CSMD1: variants seen among roughly 807,000 people sequenced by gnomAD.
CSMD1 encodes the protein CUB and Sushi multiple domains 1, also known as CUB and sushi domain-containing protein 1.
Under a neutral mutation model 417.5 loss-of-function variants are expected in CSMD1, and 213 were observed. The ratio of observed to expected loss-of-function variants is 0.51; its 90% CI spans 0.46 to 0.57. The LOEUF (loss-of-function observed/expected upper bound fraction) is 0.57. Ranked by LOEUF, CSMD1 falls within the 20% of genes least tolerant of loss-of-function variation. The pLI is 0.00. For synonymous variants in CSMD1, 2,862 were observed against 1,736.8 expected (o/e 1.65, Z -16.11); for missense variants, 6,923 against 4,529.7 (o/e 1.53, Z -15.17).
chr8:4,424,684 G>C (rs183325240), intron 2 of CSMD1, among the ~76,000 whole-genome samples: 15 of 152,086 alleles, frequency 9.9e-5, no homozygotes, highest in African/African-American at 3.4e-4. Context: ...AACGAAACAC[G>C]TAACTGCCAT....
intron 2 of CSMD1, among the ~76,000 whole-genome samples, chr8:4,505,634 T>C (rs1802483209): frequency 6.6e-6 from 1 of 152,158 alleles, no homozygotes; most frequent in Non-Finnish European, 1.5e-5. Flanking sequence ...CTTTCTAACA[T>C]GACCAAAACT....
intron 12 of CSMD1, among the ~76,000 whole-genome samples, chr8:3,436,684 T>C (rs1028307055): frequency 1.3e-5 from 2 of 152,198 alleles, no homozygotes; most frequent in Non-Finnish European, 2.9e-5. Flanking sequence ...TTGTTCTATA[T>C]ACGCGACACC....
intron 5 of CSMD1, among the ~76,000 whole-genome samples, chr8:3,915,952 G>A (rs540896370): frequency 1.3e-5 from 2 of 150,954 alleles, no homozygotes; most frequent in Admixed American, 1.3e-4. Context: ...CCAAACTTTA[G>A]GTAAACGGAC....
intron 3 of CSMD1, among the ~76,000 whole-genome samples, chr8:4,231,209 G>T (rs973280064): frequency 6.6e-6 from 1 of 152,118 alleles, no homozygotes; most frequent in Non-Finnish European, 1.5e-5. Context: ...CTAAATGAAA[G>T]GCATTGTCTT....
chr8:4,418,923 T>A (rs905060286), intron 3 of CSMD1, among the ~76,000 whole-genome samples: 1 of 152,252 alleles, frequency 6.6e-6, no homozygotes, highest in South Asian at 2.1e-4. Flanking sequence ...CACACGTAAC[T>A]TTAAGCAAAA....
chr8:4,881,605 A>C (rs1040351206), intron 1 of CSMD1, among the ~76,000 whole-genome samples: 1 of 150,682 alleles, frequency 6.6e-6, no homozygotes, highest in Admixed American at 6.6e-5. Context: ...CAATAAATTC[A>C]TGTTTAATTG....
At chr8:4,454,673 T>C (rs752337447) in intron 2 of CSMD1, among the ~76,000 whole-genome samples, 1 of 152,192 alleles carries the variant, frequency 6.6e-6, no homozygotes, top group Non-Finnish European at 1.5e-5. Flanking sequence ...CCTATTATCT[T>C]AGCATGTTCT....
intron 3 of CSMD1, among the ~76,000 whole-genome samples, chr8:4,318,364 T>C (rs908910600): frequency 6.6e-6 from 1 of 152,152 alleles, no homozygotes; most frequent in African/African-American, 2.4e-5. Flanking sequence ...TATGCACACA[T>C]GTGCACACTC....
intron 2 of CSMD1, among the ~76,000 whole-genome samples, chr8:4,502,899 A>G (rs1042634102): frequency 2.6e-5 from 4 of 152,032 alleles, no homozygotes; most frequent in East Asian, 1.9e-4. Flanking sequence ...AGATCAACCA[A>G]TTCCTTCTGG....
At chr8:2,951,500 GTTTCT>G (rs1802632318) in intron 65 of CSMD1, among the ~76,000 whole-genome samples, 1 of 152,126 alleles carries the variant, frequency 6.6e-6, no homozygotes, top group Non-Finnish European at 1.5e-5. Context: ...GTGCTTATGG[GTTTCT>G]TTTATTATTA....
intron 38 of CSMD1, among the ~76,000 whole-genome samples, chr8:3,158,444 G>A (rs1819671597): frequency 6.6e-6 from 1 of 152,054 alleles, no homozygotes; most frequent in Non-Finnish European, 1.5e-5. Context: ...TGACTACCAG[G>A]GTTCAGCAAA....
chr8:4,175,010 C>T (rs1164168958), intron 3 of CSMD1, among the ~76,000 whole-genome samples: 2 of 151,616 alleles, frequency 1.3e-5, no homozygotes, highest in Non-Finnish European at 2.9e-5. Flanking sequence ...TCTTATCTCA[C>T]TCTTTTCCAC....
intron 10 of CSMD1, among the ~76,000 whole-genome samples, chr8:3,568,836 A>T (rs1799827763): frequency 1.3e-5 from 2 of 152,102 alleles, no homozygotes; most frequent in African/African-American, 4.8e-5. Context: ...GACCCTGGGG[A>T]TAAACTTTAT....
intron 3 of CSMD1, among the ~76,000 whole-genome samples, chr8:4,175,350 A>T (rs938299199): frequency 1.7e-4 from 26 of 152,262 alleles, no homozygotes; most frequent in African/African-American, 6.0e-4. Context: ...TTTTTTCTAA[A>T]TACTTTTTAA....
At chr8:3,160,655 G>A (rs145062693) in intron 38 of CSMD1, among the ~76,000 whole-genome samples, 84 of 152,306 alleles carry the variant, frequency 5.5e-4, no homozygotes, top group African/African-American at 1.9e-3. Context: ...TGGTAGGTTT[G>A]TTCTTACGAA....
intron 10 of CSMD1, among the ~76,000 whole-genome samples, chr8:3,573,815 A>G (rs185962892): frequency 1.8e-4 from 27 of 145,980 alleles, no homozygotes; most frequent in Admixed American, 1.2e-3. Flanking sequence ...ATTTAATATT[A>G]CTATAAATAT....
chr8:3,158,809 T>C (rs1032875094), intron 38 of CSMD1, among the ~76,000 whole-genome samples: 1 of 152,110 alleles, frequency 6.6e-6, no homozygotes. Flanking sequence ...CTCATAAATT[T>C]CCATTTGCCA....
chr8:4,274,152 A>G (rs1246900522), intron 3 of CSMD1, among the ~76,000 whole-genome samples: 3 of 152,288 alleles, frequency 2.0e-5, no homozygotes, highest in Admixed American at 6.5e-5. Context: ...AATACTCACT[A>G]ATGTATTTTT....
chr8:4,439,883 G>C (rs970145903), intron 2 of CSMD1, among the ~76,000 whole-genome samples: 1 of 152,134 alleles, frequency 6.6e-6, no homozygotes, highest in Non-Finnish European at 1.5e-5. Context: ...GATCCCAAAA[G>C]AGAATCAACT....
Sources: allele counts gnomAD v4.1 joint callset (sites outside exome capture counted in the v4.1 genomes callset), GRCh38; gene constraint gnomAD v4.1.1; transcripts MANE v1.5; gene names NCBI Gene and HGNC (gene_info 2026-07-23, HGNC 2026-07-21).